The following ESPN variants were observed in gnomAD, a reference collection of about 807,000 sequenced individuals.
The protein encoded by ESPN is espin.
A neutral mutation model predicts 77.7 loss-of-function variants in ESPN; 68 were observed. That is an observed-to-expected ratio of 0.87 (90% CI 0.72 to 1.07). The LOEUF (loss-of-function observed/expected upper bound fraction) is 1.07. Ranked by LOEUF, ESPN falls within the 50% of genes least tolerant of loss-of-function variation. The pLI is 0.00. For missense variants in ESPN, 1,060 were observed against 1,239.0 expected, an observed-to-expected ratio of 0.86 and a Z score of 2.17; for synonymous variants, 449 against 567.1, an observed-to-expected ratio of 0.79 and a Z score of 2.96.
rs780131615 is a variant in ESPN, at chr1:6,452,107, C to T, written c.2325+11C>T. The T allele has an allele frequency of 5.2e-6, 8 of 1,532,562 alleles. No individual in the cohort carries two copies. Among genetic ancestry groups the T allele is most frequent in the Admixed American group, 2.0e-5 (1 of 50,848 alleles). 94.9% of individuals were successfully genotyped at this position (1,532,562 alleles called of 1,614,324 possible). A position where few individuals can be genotyped will look rare whatever the true frequency, so the allele number is the denominator to read the frequency against. On this transcript the variant is annotated intron_variant, in intron 10 of 12. Coordinates refer to ENST00000645284, the MANE Select transcript of ESPN (RefSeq NM_031475.3). ...GAGCAGAGGCGGAAGGTGGGTGGGG[C>T]GGGGTGCCCAGGGAGCCCTGGGGTC...
In ESPN at chr1:6,460,281, C is replaced by A. The variant is rs982320794; in HGVS notation, c.*135C>A. 2 of 1,147,324 alleles carry A rather than the reference C, an allele frequency of 1.7e-6. No homozygotes were observed. The highest frequency in any genetic ancestry group is 1.2e-6 in the Non-Finnish European group (1 of 820,358). The allele number at this position is 1,147,324 out of a possible 1,614,324, so 71.1% of individuals were successfully genotyped here. On this transcript the variant is annotated 3_prime_UTR_variant, in exon 13 of 13. Coordinates refer to ENST00000645284, the MANE Select transcript of ESPN (RefSeq NM_031475.3). ...TGCGCTGGAAACCCTCCCTGACCCCCACCCTGGCCCCCCGTATCCCCAGCC... is the reference window on the plus strand; with the variant it reads ...TGCGCTGGAAACCCTCCCTGACCCCAACCCTGGCCCCCCGTATCCCCAGCC...
At chr1:6,457,455 A>C in intron 12 of ESPN, 83 bp downstream of exon 12, 1 of 1,545,812 alleles carries the variant, frequency 6.5e-7, no homozygotes, top group African/African-American at 1.4e-5. Flanking sequence ...GGCCAATTTG[A>C]GTACATCCTC....
In ESPN at chr1:6,445,746, T is replaced by G. The variant is rs768739605; in HGVS notation, c.1275T>G (p.Ile425Met). The G allele has an allele frequency of 1.9e-6, 3 of 1,605,064 alleles. No individual in the cohort carries two copies. Among genetic ancestry groups the G allele is most frequent in the Admixed American group, 1.7e-5 (1 of 59,668 alleles). ...NPELGLPRGT[I>M]GKPTPPPPPP... ...AGCTGGGCCTGCCTCGGGGCACGAT[T>G]GGGAAGCCCACACCCCCACCACCCC... Residue 425 changes from isoleucine (I) to methionine (M), a missense_variant, in exon 7 of 13, where the codon ATT becomes ATG. Physicochemically the swap from Ile to Met is conservative, Grantham distance 10 (BLOSUM62 1). This residue lies in a region of ESPN where 556 missense variants were observed against 633.6 expected (regional missense o/e 0.88). Coordinates refer to ENST00000645284, the MANE Select transcript of ESPN (RefSeq NM_031475.3).
At chr1:6,439,069 G>A (rs1171672573) in intron 2 of ESPN, among the ~76,000 whole-genome samples, 5 of 152,242 alleles carry the variant, frequency 3.3e-5, no homozygotes, top group African/African-American at 9.6e-5. Flanking sequence ...CTGAGATTGC[G>A]CCATTGCATT....
chr1:6,435,507 A>C (rs1470483168), intron 2 of ESPN, among the ~76,000 whole-genome samples: 1 of 152,264 alleles, frequency 6.6e-6, no homozygotes, highest in Non-Finnish European at 1.5e-5. Context: ...AAGAAAACAA[A>C]TCATGATTTA....
chr1:6,453,293 G>A (rs1032368247), intron 10 of ESPN, among the ~76,000 whole-genome samples: 21 of 152,212 alleles, frequency 1.4e-4, no homozygotes, highest in Non-Finnish European at 2.4e-4. Context: ...ACATGTGTGC[G>A]AGTCACCAAG....
At position 6,428,533 on chromosome 1, in the gene ESPN, C is replaced by A; in HGVS notation, c.488+114C>A. The A allele has an allele frequency of 3.2e-6, 3 of 927,914 alleles. No individual in the cohort carries two copies. Among genetic ancestry groups the A allele is most frequent in the Non-Finnish European group, 4.8e-6 (3 of 621,558 alleles). 57.5% of individuals were successfully genotyped at this position (927,914 alleles called of 1,614,324 possible). A position where few individuals can be genotyped will look rare whatever the true frequency, so the allele number is the denominator to read the frequency against. On this transcript the variant is annotated intron_variant, in intron 2 of 12. Coordinates refer to ENST00000645284, the MANE Select transcript of ESPN (RefSeq NM_031475.3). The surrounding 1 kb of genome is among the most constrained non-coding windows in gnomAD (Gnocchi z 5.4). ...CCAGGGCAATGATCCCTCCAGTGGC[C>A]ATCCTGGGGCCAGAGGGCCAGGCCA... is the stretch of plus-strand genomic sequence containing the variant.
intron 4 of ESPN, 59 bp from the exon 5 acceptor site, chr1:6,440,875 C>A: frequency 6.5e-7 from 1 of 1,532,630 alleles, no homozygotes; most frequent in Non-Finnish European, 8.8e-7. Context: ...ACGGCCCTGC[C>A]CGGGCGCGGG....
chr1:6,441,712 C>T (rs1643642304), intron 5 of ESPN, among the ~76,000 whole-genome samples: 1 of 152,250 alleles, frequency 6.6e-6, no homozygotes, highest in Non-Finnish European at 1.5e-5. Flanking sequence ...AGGCAATAGG[C>T]AGGGAAGAGA....
chr1:6,449,608 C>G (rs1643911038), intron 8 of ESPN, among the ~76,000 whole-genome samples: 1 of 152,194 alleles, frequency 6.6e-6, no homozygotes, highest in Admixed American at 6.5e-5. Flanking sequence ...GACCTGAAGT[C>G]TTCTTAGATA....
intron 1 of ESPN, among the ~76,000 whole-genome samples, chr1:6,426,843 C>T (rs553441675): frequency 1.3e-5 from 2 of 152,128 alleles, no homozygotes; most frequent in Non-Finnish European, 2.9e-5. Flanking sequence ...CTGGCCCCCC[C>T]ACTCCCAGCT....
intron 2 of ESPN, among the ~76,000 whole-genome samples, chr1:6,433,380 G>T (rs547089844): frequency 1.1e-4 from 16 of 152,196 alleles, no homozygotes; most frequent in Admixed American, 4.6e-4. Flanking sequence ...GAAGGCGGAG[G>T]TTGCAGTGAA....
chr1:6,454,530 G>T, intron 10 of ESPN: 1 of 399,004 alleles, frequency 2.5e-6, no homozygotes, highest in Non-Finnish European at 4.4e-6. Flanking sequence ...GCTTATGACC[G>T]AAGCCGACAT....
chr1:6,445,632 C>T (rs758748897), intron 6 of ESPN, 32 bp from the exon 7 acceptor site: 15 of 1,607,510 alleles, frequency 9.3e-6, no homozygotes, highest in South Asian at 1.1e-5. Context: ...TCTGCATGCT[C>T]CCAAATCTGG....
At chr1:6,435,748 C>T (rs1643413359) in intron 2 of ESPN, among the ~76,000 whole-genome samples, 1 of 152,230 alleles carries the variant, frequency 6.6e-6, no homozygotes, top group South Asian at 2.1e-4. Context: ...TTGGCAGGAC[C>T]TGGACACTCC....
At chr1:6,458,461 G>A (rs1486947448) in intron 12 of ESPN, among the ~76,000 whole-genome samples, 9 of 151,204 alleles carry the variant, frequency 6.0e-5, no homozygotes, top group South Asian at 4.2e-4. Context: ...GATTACAGGC[G>A]CCCGCCACCA....
downstream of ESPN, chr1:6,461,350 A>G: frequency 6.9e-7 from 1 of 1,452,380 alleles, no homozygotes; most frequent in Non-Finnish European, 9.2e-7. This position sits in a 1 kb window ranked among gnomAD's most constrained non-coding sequence, Gnocchi z 6.3. Context: ...AATAAGTGAC[A>G]TAAAATGTCT....
intron 10 of ESPN, chr1:6,456,493 A>C (rs1363644177): frequency 8.4e-6 from 2 of 237,200 alleles, no homozygotes; most frequent in Non-Finnish European, 8.0e-6. Flanking sequence ...CCTCTGAGTG[A>C]GGGGCTGCGG....
chr1:6,444,382 A>G, intron 5 of ESPN, 99 bp from the exon 6 acceptor site: 2 of 1,231,878 alleles, frequency 1.6e-6, no homozygotes, highest in East Asian at 5.0e-5. Flanking sequence ...GGCTTGGCCA[A>G]GATCCCACAG....
Sources: gnomAD v4.1 joint callset for allele counts (sites outside exome capture counted in the v4.1 genomes callset) on GRCh38, gnomAD v4.1.1 for gene constraint, gnomAD v4.1.1 regional missense constraint, Gnocchi (gnomAD v3.1) non-coding constraint, MANE v1.5 for transcripts, NCBI Gene and HGNC (gene_info 2026-07-23, HGNC 2026-07-21) for gene names.